Variants in PRKACB observed in about 807,000 individuals in gnomAD.
The protein encoded by PRKACB is cAMP-dependent protein kinase catalytic subunit beta.
A neutral mutation model predicts 51.4 loss-of-function variants in PRKACB; 16 were observed. That is an observed-to-expected ratio of 0.31 (90% CI 0.21 to 0.47). The LOEUF (loss-of-function observed/expected upper bound fraction) is 0.47, where lower values mean the gene tolerates loss of function less well. Among genes scored for constraint, PRKACB ranks in the 20% least tolerant of loss-of-function variants. PRKACB has a pLI of 1.00. For synonymous variants in PRKACB, 147 were observed against 154.4 expected (o/e 0.95, Z 0.35); for missense variants, 309 against 464.5 (o/e 0.67, Z 3.08).
At chr1:84,163,360 G>A (rs976248061) in intron 1 of PRKACB, among the ~76,000 whole-genome samples, 3 of 152,060 alleles carry the variant, frequency 2.0e-5, no homozygotes, top group African/African-American at 7.2e-5. Flanking sequence ...CCCATGCTAT[G>A]TTTCTTGCTA....
intron 1 of PRKACB, among the ~76,000 whole-genome samples, chr1:84,125,346 G>T (rs1651480581): frequency 6.6e-6 from 1 of 152,144 alleles, no homozygotes; most frequent in Non-Finnish European, 1.5e-5. Flanking sequence ...ATGACATGTT[G>T]CCATGGCTCT....
At chr1:84,114,908 A>T (rs1650512168) in intron 1 of PRKACB, among the ~76,000 whole-genome samples, 1 of 152,226 alleles carries the variant, frequency 6.6e-6, no homozygotes, top group South Asian at 2.1e-4. Flanking sequence ...TTCTGCATAT[A>T]TGCCACATAT....
rs190450592 is a variant in PRKACB, at chr1:84,131,836, G to A, written c.47-47341G>A. Among the ~76,000 whole-genome samples, 710 of 152,320 alleles carry A rather than the reference G, an allele frequency of 4.7e-3. 21 individuals carry two copies. The highest frequency in any genetic ancestry group is 0.04 in the Admixed American group (614 of 15,302). ...GACACCTCTGGGAGCAGCAGTCTTA[G>A]GGAGGCCCCCACACTTTCATGGGTT... is the stretch of plus-strand genomic sequence containing the variant. On this transcript the variant is annotated intron_variant, in intron 1 of 8. Coordinates refer to the PRKACB transcript ENST00000370688.
chr1:84,113,775 T>A (rs963642898), intron 1 of PRKACB, among the ~76,000 whole-genome samples: 10 of 152,182 alleles, frequency 6.6e-5, no homozygotes, highest in African/African-American at 2.4e-4. Context: ...TTCATTTATA[T>A]GAAAAGGAAA....
chr1:84,169,675 T>C (rs1013582578), intron 1 of PRKACB, among the ~76,000 whole-genome samples: 2 of 151,680 alleles, frequency 1.3e-5, no homozygotes, highest in East Asian at 1.9e-4. Context: ...AGAGCAGATA[T>C]GATTTATAGA....
At chr1:84,166,062 T>C (rs1362580301) in intron 1 of PRKACB, among the ~76,000 whole-genome samples, 1 of 151,704 alleles carries the variant, frequency 6.6e-6, no homozygotes, top group Non-Finnish European at 1.5e-5. Flanking sequence ...TTTATCCTGC[T>C]ACAGTACAAT....
chr1:84,115,465 G>C (rs2792975), intron 1 of PRKACB, among the ~76,000 whole-genome samples: 102,580 of 151,814 alleles, frequency 0.68, 35,846 homozygotes, highest in Non-Finnish European at 0.79. Flanking sequence ...TTCTCCTATT[G>C]AAAAGGTTGT....
At chr1:84,116,984 A>G (rs140934355) in intron 1 of PRKACB, among the ~76,000 whole-genome samples, 91 of 150,856 alleles carry the variant, frequency 6.0e-4, no homozygotes, top group Admixed American at 2.5e-3. Context: ...ATTTTGAGAT[A>G]TGTTCCTTTT....
intron 9 of PRKACB, among the ~76,000 whole-genome samples, chr1:84,215,581 A>G (rs941338518): frequency 2.1e-4 from 32 of 152,202 alleles, no homozygotes; most frequent in Non-Finnish European, 4.1e-4. Flanking sequence ...CGCTGGCATT[A>G]TTATACCACC....
intron 7 of PRKACB, among the ~76,000 whole-genome samples, chr1:84,199,070 CATATATGTATATATATGCGTATATAT>C: frequency 2.0e-5 from 1 of 48,898 alleles, no homozygotes; most frequent in Non-Finnish European, 7.7e-5. Flanking sequence ...CGTATATATG[CATATATGTATATATATGCGTATATAT>C]GCATATATGT....
rs1204999571 is a variant in PRKACB, at chr1:84,197,836, A to G, written c.783+12A>G. 2 of 1,545,546 alleles carry G rather than the reference A, an allele frequency of 1.3e-6. No individual in the cohort carries two copies. Among genetic ancestry groups the G allele is most frequent in the South Asian group, 2.3e-5 (2 of 88,366 alleles). ...TAATTCTCAGCAAGGTATATTCATA[A>G]TATCAACACATAAGAAGTAGAAATA... On this transcript the variant is annotated intron_variant, in intron 7 of 9. Transcript: ENST00000370685.
intron 1 of PRKACB, among the ~76,000 whole-genome samples, chr1:84,154,384 AACC>A (rs1655199372): frequency 6.6e-6 from 1 of 152,128 alleles, no homozygotes. Flanking sequence ...GCAATGAACA[AACC>A]AATAAGGAAT....
intron 9 of PRKACB, among the ~76,000 whole-genome samples, chr1:84,229,599 T>A (rs1440575679): frequency 2.6e-5 from 4 of 151,570 alleles, no homozygotes; most frequent in African/African-American, 9.7e-5. Context: ...ACCTGTTATT[T>A]CCTGACTTTT....
At chr1:84,103,300 G>A (rs371609662) in intron 1 of PRKACB, among the ~76,000 whole-genome samples, 166 of 152,060 alleles carry the variant, frequency 1.1e-3, no homozygotes, top group African/African-American at 3.8e-3. Flanking sequence ...TGCTAGATCC[G>A]TTACAGGGTT....
At chr1:84,118,712 A>G (rs892941025) in intron 1 of PRKACB, among the ~76,000 whole-genome samples, 11 of 152,134 alleles carry the variant, frequency 7.2e-5, no homozygotes, top group Non-Finnish European at 1.5e-4. Context: ...ACACAGCATC[A>G]GTGACTACAG....
intron 1 of PRKACB, among the ~76,000 whole-genome samples, chr1:84,157,771 A>T (rs1169507641): frequency 6.6e-6 from 1 of 152,180 alleles, no homozygotes; most frequent in Admixed American, 6.6e-5. Flanking sequence ...TGTTGTATGG[A>T]TATAATACAT....
At chr1:84,175,253 G>A (rs966423076) in intron 1 of PRKACB, among the ~76,000 whole-genome samples, 1 of 151,576 alleles carries the variant, frequency 6.6e-6, no homozygotes, top group African/African-American at 2.4e-5. Context: ...GTAATTTCTT[G>A]TGTGGTATTT....
chr1:84,105,694 G>C (rs762371709), intron 1 of PRKACB, among the ~76,000 whole-genome samples: 4 of 152,024 alleles, frequency 2.6e-5, no homozygotes, highest in Non-Finnish European at 4.4e-5. Flanking sequence ...TCCTGCCTCA[G>C]CCTCTTGAGT....
At chr1:84,232,560 G>GGTCACT (rs1675893444) in intron 9 of PRKACB, among the ~76,000 whole-genome samples, 2 of 152,026 alleles carry the variant, frequency 1.3e-5, no homozygotes. Flanking sequence ...TCTTTTTGTA[G>GGTCACT]GTCACTCAGG....
Sources: gnomAD v4.1 joint callset for allele counts (sites outside exome capture counted in the v4.1 genomes callset) on GRCh38, gnomAD v4.1.1 for gene constraint, MANE v1.5 for transcripts, NCBI Gene and HGNC (gene_info 2026-07-23, HGNC 2026-07-21) for gene names.